RAPGEF3: variants seen among roughly 807,000 people sequenced by gnomAD.
RAPGEF3 encodes the protein Rap guanine nucleotide exchange factor 3.
Under a neutral mutation model 129.8 loss-of-function variants are expected in RAPGEF3, and 103 were observed. The observed-to-expected ratio is 0.79, with a 90% confidence interval of 0.68 to 0.93. The LOEUF is 0.93. RAPGEF3 is among the 40% of genes least tolerant of loss of function. The probability of loss-of-function intolerance (pLI) is 0.00; values close to 1 mark genes in which losing one functional copy is unlikely to be tolerated. For synonymous variants in RAPGEF3, 436 were observed against 482.6 expected, an observed-to-expected ratio of 0.90 and a Z score of 1.26; for missense variants, 1,117 against 1,207.4, an observed-to-expected ratio of 0.93 and a Z score of 1.11.
Position 47,751,149 on chromosome 12 carries a change from C to T in RAPGEF3, c.570G>A (p.Glu190=). 1 of 1,558,788 alleles carries T rather than the reference C, an allele frequency of 6.4e-7. No individual in the cohort carries two copies. The highest frequency in any genetic ancestry group is 8.7e-7 in the Non-Finnish European group (1 of 1,151,112). The part of the protein sequence containing the change: ...QFYRFPGPEP[E]PVRTHEMEEE... ...CCTCCATCTCATGAGTTCTCACGGG[C>T]TCGGGCTCGGGCCCGGGGAACCGGT... Residue 190 remains glutamate (E), a synonymous_variant, in exon 6 of 28, where the codon GAG becomes GAA. Coordinates refer to ENST00000449771, the MANE Select transcript of RAPGEF3 (RefSeq NM_001098531.4).
At chr12:47,748,195 A>G in intron 12 of RAPGEF3, 43 bp from the exon 13 acceptor site, 1 of 1,447,828 alleles carries the variant, frequency 6.9e-7, no homozygotes. Context: ...TTCAGAGGCC[A>G]AGTCTGCTGA....
At chr12:47,739,689 T>G (rs1592535324) in intron 23 of RAPGEF3, 1 of 359,230 alleles carries the variant, frequency 2.8e-6, no homozygotes, top group Non-Finnish European at 5.3e-6. Context: ...AGGTGGGAGG[T>G]TCCACCCCCA....
chr12:47,738,040 C>T lies in RAPGEF3; in HGVS notation c.2635G>A (p.Val879Met), dbSNP rs1453114410. Residue 879 changes from valine (V) to methionine (M), a missense_variant, in exon 27 of 28, where the codon GTG (valine) becomes ATG (methionine). Coordinates refer to ENST00000449771, the MANE Select transcript of RAPGEF3 (RefSeq NM_001098531.4). ...CACTTACATGTGGAAATCCTCGCCA[C>T]CTGGCTGTCCTCGTGGAGGTGGGAA... Reference protein sequence around the residue: ...RVSHLHEDSQVARISTCSEQS... With the variant: ...RVSHLHEDSQMARISTCSEQS... The T allele has an allele frequency of 3.7e-6, 6 of 1,614,058 alleles. No homozygotes were observed. Among genetic ancestry groups the T allele is most frequent in the Non-Finnish European group, 5.1e-6 (6 of 1,180,016 alleles).
intron 2 of RAPGEF3, among the ~76,000 whole-genome samples, chr12:47,752,394 G>A (rs1042257428): frequency 2.6e-5 from 4 of 152,212 alleles, no homozygotes; most frequent in African/African-American, 9.6e-5. Context: ...ATCCGCTCCT[G>A]GGCTGGGGTC....
At position 47,737,372 on chromosome 12, in the gene RAPGEF3, G is replaced by A. The variant is rs73302682; in HGVS notation, c.*195C>T. The A allele has an allele frequency of 0.011, 6,464 of 590,924 alleles. 303 individuals are homozygous for A. The highest frequency in any genetic ancestry group is 0.1 in the African/African-American group (5,582 of 53,602). The allele number at this position is 590,924 out of a possible 1,614,324, so 36.6% of individuals were successfully genotyped here. A position where few individuals can be genotyped will look rare whatever the true frequency, so the allele number is the denominator to read the frequency against. On this transcript the variant is annotated 3_prime_UTR_variant, in exon 28 of 28. Coordinates refer to ENST00000449771, the MANE Select transcript of RAPGEF3 (RefSeq NM_001098531.4). Reference sequence around the variant, plus strand: ...TTGGGTCATTCGTTATTCCTGGCTCGGGTCCACTCCGAGGTCCTCCTTAGC... The same window carrying A: ...TTGGGTCATTCGTTATTCCTGGCTCAGGTCCACTCCGAGGTCCTCCTTAGC...
rs1201294001 is a variant in RAPGEF3, at chr12:47,740,903, T to A, written c.2049+12A>T. The stretch of plus-strand genomic sequence containing the variant: ...GCCGCCTGCTCTCCTCCCCCAGCTC[T>A]GCCTCCCATACCTGGTGGATACTGT... On this transcript the variant is annotated intron_variant, in intron 20 of 27. Transcript: ENST00000449771. 1.2e-6 allele frequency: 2 copies of A among 1,613,870 alleles called. No individual in the cohort carries two copies. The highest frequency in any genetic ancestry group is 1.7e-6 in the Non-Finnish European group (2 of 1,179,986).
chr12:47,758,467 C>T, intron 1 of RAPGEF3, 84 bp downstream of exon 1: 1 of 1,589,018 alleles, frequency 6.3e-7, no homozygotes, highest in Non-Finnish European at 8.6e-7. Context: ...CTAACCCTCC[C>T]TCTCCCACCC....
At position 47,740,935 on chromosome 12, in the gene RAPGEF3, G is replaced by A. The variant is rs770262528; in HGVS notation, c.2029C>T (p.Leu677Phe). The change falls in exon 20 of 28, where the codon CTC (leucine) becomes TTC (phenylalanine). Residue 677 changes from leucine to phenylalanine, a missense_variant. Leu to Phe is a conservative substitution (Grantham distance 22). Around this residue, in one of 3 missense-constraint regions of RAPGEF3, gnomAD observed 643 missense variants for 673.4 expected, o/e 0.95. Transcript: ENST00000449771. ...AGQLTDHDWS[L>F]FNSIHQVELI... is the part of the protein sequence containing the mutation. ...CATACCTGGTGGATACTGTTGAAGA[G>A]GCTCCAGTCGTGGTCCGTCAGCTGG... 1.4e-5 allele frequency: 22 copies of A among 1,613,920 alleles called. No individual in the cohort carries two copies. Among genetic ancestry groups the A allele is most frequent in the South Asian group, 1.1e-5 (1 of 91,082 alleles).
chr12:47,738,154 G>C (rs745820381), intron 26 of RAPGEF3, 39 bp downstream of exon 26: 1 of 1,613,808 alleles, frequency 6.2e-7, no homozygotes, highest in South Asian at 1.1e-5. Flanking sequence ...AGAGGATGTA[G>C]GGTGGGGGAC....
rs146898882 is a variant in RAPGEF3, at chr12:47,744,065, G to C, written c.1600C>G (p.Arg534Gly). The stretch of plus-strand genomic sequence containing the variant: ...TTGGGGAGCCAAACAGGCAAGTTCC[G>C]GGCCTGGGAGGAAGAGGAACGAGAA... ...CGNASPQMKARNLPVWLPNQD... is the reference protein window; with the variant it reads ...CGNASPQMKAGNLPVWLPNQD... The change falls in exon 17 of 28, where the codon CGG (arginine) becomes GGG (glycine). Residue 534 changes from arginine to glycine, a missense_variant. By Grantham distance (125) the Arg-to-Gly change is moderately radical (BLOSUM62 -2). This residue lies in a region of RAPGEF3 where 643 missense variants were observed against 673.4 expected (regional missense o/e 0.95). Coordinates refer to ENST00000449771, the MANE Select transcript of RAPGEF3 (RefSeq NM_001098531.4). 10 of 1,598,532 alleles carry C rather than the reference G, an allele frequency of 6.3e-6. No individual in the cohort carries two copies. Among genetic ancestry groups the C allele is most frequent in the South Asian group, 1.1e-5 (1 of 90,642 alleles).
chr12:47,750,272 G>A (rs1941667384), intron 7 of RAPGEF3, 69 bp downstream of exon 7: 1 of 1,466,290 alleles, frequency 6.8e-7, no homozygotes, highest in Non-Finnish European at 9.5e-7. Context: ...CCAGCAGTTG[G>A]AGTTTCAGGG....
chr12:47,739,723 G>A (rs1324322552), intron 23 of RAPGEF3: 1 of 366,542 alleles, frequency 2.7e-6, no homozygotes, highest in Admixed American at 4.0e-5. Context: ...CTCTTCTACT[G>A]GTCTAGCCCG....
chr12:47,748,944 C>A lies in RAPGEF3; in HGVS notation c.1042-13G>T. ...TTGCCTCCACATCCTGGAGAACAGG[C>A]CACATCCCATGCTCAACTCATGATG... On this transcript the variant is annotated splice_polypyrimidine_tract_variant and intron_variant, in intron 10 of 27. Coordinates refer to ENST00000449771, the MANE Select transcript of RAPGEF3 (RefSeq NM_001098531.4). The A allele has an allele frequency of 6.3e-7, 1 of 1,588,372 alleles. No homozygotes were observed. The highest frequency in any genetic ancestry group is 8.6e-7 in the Non-Finnish European group (1 of 1,156,564).
intron 2 of RAPGEF3, among the ~76,000 whole-genome samples, chr12:47,752,975 G>A (rs936752434): frequency 2.6e-5 from 4 of 152,134 alleles, no homozygotes; most frequent in African/African-American, 9.7e-5. Flanking sequence ...AGCCCCTCAC[G>A]ACCCTTCTCT....
At chr12:47,757,742 G>A (rs536547017) in intron 2 of RAPGEF3, 124 bp downstream of exon 2, 188 of 907,426 alleles carry the variant, frequency 2.1e-4, no homozygotes, top group East Asian at 1.8e-3. Flanking sequence ...CAGTGTCCAC[G>A]GCAGCTGTAC....
intron 19 of RAPGEF3, 122 bp downstream of exon 19, chr12:47,741,383 C>A: frequency 1.1e-6 from 1 of 947,358 alleles, no homozygotes; most frequent in South Asian, 1.4e-5. Context: ...TGCTGAGGAC[C>A]CAGCAGCAGC....
chr12:47,758,347 A>G, intron 1 of RAPGEF3: 2 of 1,450,256 alleles, frequency 1.4e-6, no homozygotes, highest in Non-Finnish European at 1.8e-6. Context: ...CTCACTGCCC[A>G]TGCCCCTGCA....
Position 47,749,037 on chromosome 12 carries a change from G to C in RAPGEF3, c.1042-106C>G. On this transcript the variant is annotated intron_variant, in intron 10 of 27. Coordinates refer to ENST00000449771, the MANE Select transcript of RAPGEF3 (RefSeq NM_001098531.4). This position sits in a 1 kb window ranked among gnomAD's most constrained non-coding sequence, Gnocchi z 4.5. The stretch of plus-strand genomic sequence containing the variant: ...CCTGAGCCCCATGAGGGTCCCACAG[G>C]GACCCACAGCCCTTCTCCCACCTCC... 1 of 968,088 alleles carries C rather than the reference G, an allele frequency of 1.0e-6. No individual in the cohort carries two copies. The highest frequency in any genetic ancestry group is 1.6e-6 in the Non-Finnish European group (1 of 623,412). The allele number at this position is 968,088 out of a possible 1,614,324, so 60.0% of individuals were successfully genotyped here.
chr12:47,748,645 C>G, intron 11 of RAPGEF3, 103 bp from the exon 12 acceptor site: 1 of 1,133,100 alleles, frequency 8.8e-7, no homozygotes, highest in South Asian at 1.4e-5. Flanking sequence ...CATTAGCCAG[C>G]CCTGTCCCAC....
Sources: allele counts gnomAD v4.1 joint callset (sites outside exome capture counted in the v4.1 genomes callset), GRCh38; gene constraint gnomAD v4.1.1; regional missense constraint gnomAD v4.1.1; non-coding constraint Gnocchi (gnomAD v3.1); transcripts MANE v1.5; gene names NCBI Gene and HGNC (gene_info 2026-07-23, HGNC 2026-07-21).